The following CCNQ variants were observed in gnomAD, a reference collection of about 807,000 sequenced individuals.
CCNQ encodes the protein cyclin-Q.
A neutral mutation model predicts 17.7 loss-of-function variants in CCNQ; 3 were observed. The observed-to-expected ratio is 0.17, with a 90% CI of 0.08 to 0.44. The LOEUF (loss-of-function observed/expected upper bound fraction) is 0.44. CCNQ is among the 20% of genes least tolerant of loss of function. The pLI is 0.99. For missense variants in CCNQ, 146 were observed against 222.6 expected, an observed-to-expected ratio of 0.66 and a Z score of 2.19; for synonymous variants, 73 against 96.0, an observed-to-expected ratio of 0.76 and a Z score of 1.40.
chrX:153,594,014 G>A (rs1292026546), intron 3 of CCNQ, among the ~76,000 whole-genome samples: 2 of 113,184 alleles, frequency 1.8e-5, no homozygotes, highest in African/African-American at 3.2e-5. Context: ...TCGCCTAAGC[G>A]TTCCACTTTT....
chrX:153,594,198 G>A (rs782809069), intron 3 of CCNQ, among the ~76,000 whole-genome samples: 2 of 112,678 alleles, frequency 1.8e-5, no homozygotes, highest in Non-Finnish European at 3.8e-5. Context: ...GACTCTGGCC[G>A]GTCACAAAAC....
At chrX:153,591,528 G>A (rs1297811154) in intron 4 of CCNQ, among the ~76,000 whole-genome samples, 1 of 111,827 alleles carries the variant, frequency 8.9e-6, no homozygotes, top group Non-Finnish European at 1.9e-5. Context: ...GAGCAGAAAG[G>A]AAGACAGATG....
chrX:153,591,546 G>A (rs1035844843), intron 4 of CCNQ, among the ~76,000 whole-genome samples: 29 of 111,816 alleles, frequency 2.6e-4, no homozygotes, highest in African/African-American at 9.1e-4. Flanking sequence ...ATGCAGCATA[G>A]CCAGGCAGCC....
rs782316470 is a variant in CCNQ at position 153,599,012 on chromosome X, G to A, written c.62C>T (p.Ala21Val). The A allele has an allele frequency of 4.0e-5, 45 of 1,124,729 alleles. No homozygotes were observed. The highest frequency in any genetic ancestry group is 4.6e-5 in the Non-Finnish European group (39 of 855,574). 92.7% of individuals were successfully genotyped at this position (1,124,729 alleles called of 1,213,427 possible). A position where few individuals can be genotyped will look rare whatever the true frequency, so the allele number is the denominator to read the frequency against. ...PAARGPEGQP[A>V]PEARVHFRVA... ...TCGGAAGTGCACCCTGGCTTCGGGC[G>A]CCGGCTGCCCCTCCGGGCCCCGCGC... Residue 21 changes from alanine to valine, a missense_variant, in exon 1 of 5, where the codon GCG becomes GTG. Transcript: ENST00000576892.
At position 153,595,563 on chromosome X, in the gene CCNQ, C is replaced by T. The variant is rs182527700; in HGVS notation, c.296+441G>A. Among the ~76,000 whole-genome samples the T allele has an allele frequency of 8.8e-5, 10 of 113,416 alleles. 1 individual carries two copies. The highest frequency in any genetic ancestry group is 3.5e-4 in the South Asian group (1 of 2,833). On this transcript the variant is annotated intron_variant, in intron 2 of 4. Coordinates refer to ENST00000576892, the MANE Select transcript of CCNQ (RefSeq NM_152274.5). ...CCAGCAGGAACACACCTGCTTGGGC[C>T]GGCTGTGCCATGCCCACGCCACACC...
At chrX:153,590,074 A>G (rs782331458) in intron 4 of CCNQ, among the ~76,000 whole-genome samples, 2 of 108,516 alleles carry the variant, frequency 1.8e-5, no homozygotes, top group East Asian at 5.8e-4. Flanking sequence ...CTAAAAATAC[A>G]AAAATTAGCC....
At position 153,589,479 on chromosome X, in the gene CCNQ, G is replaced by A. The variant is rs138101222; in HGVS notation, c.658-1025C>T. On this transcript the variant is annotated intron_variant, in intron 4 of 4. Transcript: ENST00000576892. Reference sequence around the variant, plus strand: ...CTGTGTCCTTTCCTTGTAATAAACCGGAACTGGGAGTGTGACAGCTTTTCT... The same window carrying A: ...CTGTGTCCTTTCCTTGTAATAAACCAGAACTGGGAGTGTGACAGCTTTTCT... 7.8e-3 allele frequency among the ~76,000 whole-genome samples: 883 copies of A among 113,060 alleles called. 6 individuals carry two copies. The highest frequency in any genetic ancestry group is 0.023 in the African/African-American group (718 of 31,156).
At chrX:153,597,959 T>C (rs1194252717) in intron 1 of CCNQ, among the ~76,000 whole-genome samples, 1 of 111,096 alleles carries the variant, frequency 9.0e-6, no homozygotes, top group African/African-American at 3.3e-5. Flanking sequence ...CAACTCTTCT[T>C]GCAAATTACA....
chrX:153,596,839 T>C (rs1160183571), intron 1 of CCNQ, among the ~76,000 whole-genome samples: 1 of 112,243 alleles, frequency 8.9e-6, no homozygotes, highest in Non-Finnish European at 1.9e-5. Flanking sequence ...ACCAGCACAT[T>C]GAAAAGTGGG....
chrX:153,588,815 G>C (rs781868321), intron 4 of CCNQ, among the ~76,000 whole-genome samples: 1 of 113,059 alleles, frequency 8.8e-6, no homozygotes, highest in South Asian at 3.6e-4. Context: ...GGCAAGAGGA[G>C]AGGGTGGCAG....
intron 4 of CCNQ, among the ~76,000 whole-genome samples, chrX:153,590,441 A>G (rs1269765427): frequency 2.8e-5 from 3 of 108,609 alleles, no homozygotes; most frequent in Non-Finnish European, 5.7e-5. Context: ...GTAGGATTCC[A>G]CTCCTGTGAG....
intron 4 of CCNQ, among the ~76,000 whole-genome samples, chrX:153,589,910 C>T: frequency 9.0e-6 from 1 of 111,309 alleles, no homozygotes; most frequent in Non-Finnish European, 1.9e-5. Flanking sequence ...TCCTGGAGAC[C>T]CCAAGCTCAG....
chrX:153,596,364 G>A (rs1406393053), intron 1 of CCNQ, among the ~76,000 whole-genome samples, 177 bp from the exon 2 acceptor site: 1 of 111,711 alleles, frequency 9.0e-6, no homozygotes, highest in Non-Finnish European at 1.9e-5. Flanking sequence ...GACTCTAGTG[G>A]GTGACCCAAG....
At position 153,594,654 on chromosome X, in the gene CCNQ, G is replaced by A; in HGVS notation, c.322C>T (p.Leu108=). 2 of 1,211,621 alleles carry A rather than the reference G, an allele frequency of 1.7e-6. No homozygotes were observed. Among genetic ancestry groups the A allele is most frequent in the African/African-American group, 1.7e-5 (1 of 57,847 alleles). Residue 108 remains leucine (L), a synonymous_variant, in exon 3 of 5, where the codon CTG becomes TTG. Transcript: ENST00000576892. ...NRYFNPSGEP[L]ELDSRFWELR... ...TCCCAGAAGCGGGAGTCCAATTCCA[G>A]GGGCTCACCGCTTGGGTTAAAGTAC...
Position 153,597,594 on chromosome X carries a change from C to T in CCNQ, c.112+1368G>A, listed in dbSNP as rs781797379. On this transcript the variant is annotated intron_variant, in intron 1 of 4. Transcript: ENST00000576892. The stretch of plus-strand genomic sequence containing the variant: ...CACCCAGATAATCTAGGATGATCTC[C>T]CATCTTAAGGTCTCTAATCACATCT... The T allele has an allele frequency of 1.9e-4, 21 of 111,929 alleles. No homozygotes were observed. The East Asian group carries it at 4.8e-3, about 25-fold the overall frequency. The allele number at this position is 111,929 out of a possible 1,213,427, so 9.2% of individuals were successfully genotyped here.
In CCNQ at chrX:153,589,343, A is replaced by C. The variant is rs1476462526; in HGVS notation, c.658-889T>G. Among the ~76,000 whole-genome samples, 5 of 112,874 alleles carry C rather than the reference A, an allele frequency of 4.4e-5. 1 individual carries two copies. The highest frequency in any genetic ancestry group is 3.7e-4 in the Admixed American group (4 of 10,774). On this transcript the variant is annotated intron_variant, in intron 4 of 4. Coordinates refer to ENST00000576892, the MANE Select transcript of CCNQ (RefSeq NM_152274.5). ...TGCTCGCTGTCCCACACTGTTGCCG[A>C]AAGAAACAGGTGCCGTCTGCACAAC...
In CCNQ at chrX:153,589,442, G is replaced by A. The variant is rs1318814442; in HGVS notation, c.658-988C>T. Among the ~76,000 whole-genome samples the A allele has an allele frequency of 1.1e-3, 126 of 113,225 alleles. 9 individuals carry two copies. Among genetic ancestry groups the A allele is most frequent in the Non-Finnish European group, 5.6e-5 (3 of 53,382 alleles). On this transcript the variant is annotated intron_variant, in intron 4 of 4. Coordinates refer to ENST00000576892, the MANE Select transcript of CCNQ (RefSeq NM_152274.5). ...CCCGCCCTGTGCGCCCTGAGCCTTCGCTCACGGTAACCTGTGTCCTTTCCT... is the reference window on the plus strand; with the variant it reads ...CCCGCCCTGTGCGCCCTGAGCCTTCACTCACGGTAACCTGTGTCCTTTCCT...
chrX:153,598,181 C>T (rs1373507683), intron 1 of CCNQ, among the ~76,000 whole-genome samples: 2 of 111,253 alleles, frequency 1.8e-5, no homozygotes, highest in Non-Finnish European at 3.8e-5. Flanking sequence ...TTTGGGAGGG[C>T]GAGGCAACTG....
intron 4 of CCNQ, among the ~76,000 whole-genome samples, chrX:153,590,406 A>G: frequency 9.0e-6 from 1 of 110,634 alleles, no homozygotes. Context: ...CAGCAAAAGA[A>G]GCCAGTCACA....
Sources: allele counts gnomAD v4.1 joint callset (sites outside exome capture counted in the v4.1 genomes callset), GRCh38; gene constraint gnomAD v4.1.1; transcripts MANE v1.5; gene names NCBI Gene and HGNC (gene_info 2026-07-23, HGNC 2026-07-21).